HELZ: variants seen among roughly 807,000 people sequenced by gnomAD.
HELZ encodes the protein ATP-dependent RNA helicase with zinc finger domain.
In HELZ, 23 loss-of-function variants were observed where a neutral mutation model predicts 218.2. The ratio of observed to expected loss-of-function variants is 0.11; its 90% CI spans 0.08 to 0.15. The LOEUF is 0.15. Among genes scored for constraint, HELZ ranks in the 10% least tolerant of loss-of-function variants. The pLI is 1.00. For synonymous variants in HELZ, 814 were observed against 829.4 expected (o/e 0.98, Z 0.32); for missense variants, 1,813 against 2,353.7 (o/e 0.77, Z 4.75).
At chr17:67,174,409 T>A (rs1375193074) in intron 13 of HELZ, among the ~76,000 whole-genome samples, 1 of 151,928 alleles carries the variant, frequency 6.6e-6, no homozygotes, top group Non-Finnish European at 1.5e-5. Context: ...AATTCATGGG[T>A]TCAAGTGATC....
intron 13 of HELZ, among the ~76,000 whole-genome samples, chr17:67,177,261 T>C (rs1037344416): frequency 6.6e-6 from 1 of 152,144 alleles, no homozygotes; most frequent in Admixed American, 6.5e-5. Flanking sequence ...CCTTAGTTAC[T>C]TGATCAGTAT....
At chr17:67,114,467 T>C in intron 27 of HELZ, 64 bp from the exon 28 acceptor site, 2 of 929,192 alleles carry the variant, frequency 2.2e-6, no homozygotes, top group South Asian at 1.4e-5. Flanking sequence ...CCAATGCTTA[T>C]CCAATATTAG....
At chr17:67,119,741 A>C (rs1170020345) in intron 27 of HELZ, among the ~76,000 whole-genome samples, 1 of 152,166 alleles carries the variant, frequency 6.6e-6, no homozygotes, top group East Asian at 1.9e-4. Flanking sequence ...TACACCACAA[A>C]AATATTTCGA....
intron 2 of HELZ, among the ~76,000 whole-genome samples, chr17:67,241,040 T>C (rs1951703899): frequency 6.6e-6 from 1 of 152,224 alleles, no homozygotes. Flanking sequence ...AACCATCATG[T>C]TATATGCTGC....
At chr17:67,242,820 C>A in intron 2 of HELZ, among the ~76,000 whole-genome samples, 2 of 148,276 alleles carry the variant, frequency 1.3e-5, no homozygotes, top group African/African-American at 2.5e-5. Flanking sequence ...GGCAAAATGT[C>A]AATTACATGC....
In HELZ at chr17:67,108,983, A is replaced by T. The variant is rs915880300; in HGVS notation, c.4489+133T>A. 1.1e-5 allele frequency: 8 copies of T among 753,704 alleles called. No homozygotes were observed. The highest frequency in any genetic ancestry group is 8.8e-5 in the African/African-American group (5 of 56,950). The allele number at this position is 753,704 out of a possible 1,614,324, so 46.7% of individuals were successfully genotyped here. A position where few individuals can be genotyped will look rare whatever the true frequency, so the allele number is the denominator to read the frequency against. On this transcript the variant is annotated intron_variant, in intron 29 of 32. Transcript: ENST00000358691. This position sits in a 1 kb window ranked among gnomAD's most constrained non-coding sequence, Gnocchi z 4.1. ...CAGCATTTAGAACTAGTTTCTGATT[A>T]TCACACTAAATGGGGGGGTTTTGCT... is the stretch of plus-strand genomic sequence containing the variant.
chr17:67,195,557 G>C, intron 7 of HELZ, 87 bp from the exon 8 acceptor site: 3 of 763,618 alleles, frequency 3.9e-6, no homozygotes, highest in Non-Finnish European at 6.8e-6. Context: ...TTAAAACAAA[G>C]GTGAAGTTGG....
At position 67,076,550 on chromosome 17, in the gene HELZ, G is replaced by A. The variant is rs1416990348; in HGVS notation, c.*1702C>T. 1.3e-5 allele frequency: 2 copies of A among 152,358 alleles called. No homozygotes were observed. Among genetic ancestry groups the A allele is most frequent in the Non-Finnish European group, 2.9e-5 (2 of 68,080 alleles). The allele number at this position is 152,358 out of a possible 1,614,324, so 9.4% of individuals were successfully genotyped here. A position where few individuals can be genotyped will look rare whatever the true frequency, so the allele number is the denominator to read the frequency against. The stretch of plus-strand genomic sequence containing the variant: ...AAATGAACCGCACTCTTAGCAGAAA[G>A]GTAGAGCTGAATACAAGAGGCACGC... On this transcript the variant is annotated 3_prime_UTR_variant, in exon 33 of 33. Coordinates refer to ENST00000358691, the MANE Select transcript of HELZ (RefSeq NM_014877.4).
chr17:67,183,965 A>G (rs1014272301), intron 12 of HELZ, among the ~76,000 whole-genome samples: 4 of 152,068 alleles, frequency 2.6e-5, no homozygotes, highest in Non-Finnish European at 2.9e-5. Flanking sequence ...TGGCCTACGA[A>G]TAGAAAAGGT....
intron 31 of HELZ, among the ~76,000 whole-genome samples, chr17:67,094,237 G>A (rs929084319): frequency 6.6e-6 from 1 of 151,828 alleles, no homozygotes; most frequent in Non-Finnish European, 1.5e-5. Context: ...TGGGATGATC[G>A]CTTGAGCCTG....
In HELZ at chr17:67,073,787, C is replaced by G. The variant is rs536707235; in HGVS notation, c.*4465G>C. 6.6e-6 allele frequency: 1 copy of G among 152,280 alleles called. No homozygotes were observed. The highest frequency in any genetic ancestry group is 2.4e-5 in the African/African-American group (1 of 41,556). 9.4% of individuals were successfully genotyped at this position (152,280 alleles called of 1,614,324 possible). A position where few individuals can be genotyped will look rare whatever the true frequency, so the allele number is the denominator to read the frequency against. On this transcript the variant is annotated 3_prime_UTR_variant, in exon 33 of 33. Coordinates refer to ENST00000358691, the MANE Select transcript of HELZ (RefSeq NM_014877.4). ...CAGGATGTGTTTAGTAAGATTCACT[C>G]CTTGCAACAATGGTCTTGACATTAC...
In HELZ at chr17:67,151,094, C is replaced by T; in HGVS notation, c.2308G>A (p.Val770Ile). 1 of 1,613,994 alleles carries T rather than the reference C, an allele frequency of 6.2e-7. No individual in the cohort carries two copies. The highest frequency in any genetic ancestry group is 1.1e-5 in the South Asian group (1 of 91,078). Residue 770 changes from valine (V) to isoleucine (I), a missense_variant, in exon 18 of 33, where the codon GTT becomes ATT. Coordinates refer to ENST00000358691, the MANE Select transcript of HELZ (RefSeq NM_014877.4). The part of the protein sequence containing the change: ...EDILKHRVVV[V>I]TLNTSQYLCQ... ...AGGTACTGGGAAGTATTCAAGGTAA[C>T]AACCACCACTCGATGTTTAAGAATA...
Position 67,137,934 on chromosome 17 carries a change from G to C in HELZ, c.2950C>G (p.Gln984Glu). 6.3e-7 allele frequency: 1 copy of C among 1,599,962 alleles called. No homozygotes were observed. The highest frequency in any genetic ancestry group is 8.5e-7 in the Non-Finnish European group (1 of 1,171,218). ...DVNVERVLNV[Q>E]GKQFRVLFLS... ...ATTCATTTCAATTGACACTTACCTT[G>C]AACATTTAGCACCCTTTCTACATTA... is the stretch of plus-strand genomic sequence containing the variant. The change falls in exon 22 of 33, where the codon CAA becomes GAA. Residue 984 changes from glutamine to glutamate, a missense_variant. Physicochemically the swap from Gln to Glu is conservative, Grantham distance 29. Around this residue, in one of 4 missense-constraint regions of HELZ, gnomAD observed 156 missense variants for 274.4 expected, o/e 0.57. Transcript: ENST00000358691.
intron 5 of HELZ, among the ~76,000 whole-genome samples, chr17:67,209,454 C>T (rs932004834): frequency 7.2e-5 from 11 of 151,980 alleles, no homozygotes; most frequent in Non-Finnish European, 1.0e-4. Context: ...AAAAATTAGC[C>T]GGGAATGGTG....
intron 21 of HELZ, among the ~76,000 whole-genome samples, chr17:67,142,139 T>A (rs2038346125): frequency 6.6e-6 from 1 of 151,114 alleles, no homozygotes. Context: ...ACACAGGAGA[T>A]CAAAAACTAC....
At chr17:67,241,541 G>A (rs2041314535) in intron 2 of HELZ, among the ~76,000 whole-genome samples, 1 of 152,126 alleles carries the variant, frequency 6.6e-6, no homozygotes, top group Admixed American at 6.5e-5. Context: ...AATTACACGA[G>A]GCCCTTTGCA....
chr17:67,156,360 A>G (rs892378771), intron 17 of HELZ, among the ~76,000 whole-genome samples: 2 of 152,166 alleles, frequency 1.3e-5, no homozygotes, highest in African/African-American at 2.4e-5. Context: ...ATATTTACTT[A>G]AATCCTCATA....
chr17:67,168,684 G>A (rs2039220861), intron 13 of HELZ, among the ~76,000 whole-genome samples: 1 of 152,174 alleles, frequency 6.6e-6, no homozygotes, highest in South Asian at 2.1e-4. Flanking sequence ...GAGAAGTTAA[G>A]GCCTATCTTA....
At chr17:67,240,338 G>A (rs1409912371) in intron 2 of HELZ, among the ~76,000 whole-genome samples, 1 of 152,208 alleles carries the variant, frequency 6.6e-6, no homozygotes, top group East Asian at 1.9e-4. Flanking sequence ...ACACCCAGCT[G>A]TTTGCCAGAT....
Sources: allele counts gnomAD v4.1 joint callset (sites outside exome capture counted in the v4.1 genomes callset), GRCh38; gene constraint gnomAD v4.1.1; regional missense constraint gnomAD v4.1.1; non-coding constraint Gnocchi (gnomAD v3.1); transcripts MANE v1.5; gene names NCBI Gene and HGNC (gene_info 2026-07-23, HGNC 2026-07-21).